SUGCT: variants seen among roughly 807,000 people sequenced by gnomAD.
The protein encoded by SUGCT is succinyl-CoA:glutarate CoA-transferase.
Under a neutral mutation model 55.0 loss-of-function variants are expected in SUGCT, and 41 were observed. The observed-to-expected ratio is 0.74, with a 90% CI of 0.58 to 0.97. The LOEUF is 0.97. Ranked by LOEUF, SUGCT falls within the 50% of genes least tolerant of loss-of-function variation. The probability of loss-of-function intolerance (pLI) is 0.00; values close to 1 mark genes in which losing one functional copy is unlikely to be tolerated. For synonymous variants in SUGCT, 187 were observed against 200.4 expected (o/e 0.93, Z 0.56); for missense variants, 568 against 547.8 (o/e 1.04, Z -0.37).
chr7:40,237,717 A>G lies in SUGCT; in HGVS notation c.567A>G (p.Thr189=), dbSNP rs1434826208. 9 of 1,613,298 alleles carry G rather than the reference A, an allele frequency of 5.6e-6. No individual in the cohort carries two copies. Among genetic ancestry groups the G allele is most frequent in the Non-Finnish European group, 7.6e-6 (9 of 1,179,284 alleles). The change falls in exon 7 of 14, where the codon ACA becomes ACG. Residue 189 remains threonine, a synonymous_variant. Coordinates refer to ENST00000335693, the MANE Select transcript of SUGCT (RefSeq NM_001193313.2). ...CTGTTTCTGGTCTGATGCACATCACAGGGCCTGAGGTAGGTATCCTTCCTT... is the reference window on the plus strand; with the variant it reads ...CTGTTTCTGGTCTGATGCACATCACGGGGCCTGAGGTAGGTATCCTTCCTT... ...ASAVSGLMHI[T]GPENGDPVRP...
intron 13 of SUGCT, among the ~76,000 whole-genome samples, chr7:40,844,915 G>A (rs894402212): frequency 6.6e-6 from 1 of 152,342 alleles, no homozygotes; most frequent in Admixed American, 6.5e-5. Flanking sequence ...AAAGAGAAGA[G>A]TCAAGATGAC....
intron 13 of SUGCT, among the ~76,000 whole-genome samples, chr7:40,836,831 A>C (rs1793007549): frequency 6.6e-6 from 1 of 152,206 alleles, no homozygotes; most frequent in African/African-American, 2.4e-5. Flanking sequence ...ATAGAATACA[A>C]CACCTTTGTT....
chr7:40,365,442 G>A (rs1310600135), intron 9 of SUGCT, among the ~76,000 whole-genome samples: 3 of 151,758 alleles, frequency 2.0e-5, no homozygotes, highest in Non-Finnish European at 4.4e-5. Context: ...GAAATAAAGG[G>A]TATTCAATTA....
the SUGCT span, among the ~76,000 whole-genome samples, chr7:40,902,746 C>T: frequency 5.9e-5 from 9 of 152,278 alleles, no homozygotes; most frequent in Admixed American, 2.0e-4. Context: ...TTGTATGTCT[C>T]TCTCTGTCTC....
At chr7:40,691,424 G>C (rs928226973) in intron 12 of SUGCT, among the ~76,000 whole-genome samples, 2 of 152,070 alleles carry the variant, frequency 1.3e-5, no homozygotes, top group African/African-American at 4.8e-5. Context: ...AGCTATTGGG[G>C]TTTAGAAAGA....
chr7:40,314,581 T>TTTTTC (rs869061757), intron 8 of SUGCT, among the ~76,000 whole-genome samples: 3 of 149,052 alleles, frequency 2.0e-5, no homozygotes, highest in African/African-American at 7.4e-5. Flanking sequence ...TTTTTTTTTT[T>TTTTTC]AAGACAGAGT....
At chr7:40,966,400 A>G in the SUGCT span, 1 of 152,320 alleles carries the variant, frequency 6.6e-6, no homozygotes, top group East Asian at 1.9e-4. Flanking sequence ...TCTTTCTGGT[A>G]ATTGACTGTC....
At chr7:40,262,960 G>C (rs1216031737) in intron 7 of SUGCT, among the ~76,000 whole-genome samples, 2 of 152,150 alleles carry the variant, frequency 1.3e-5, no homozygotes, top group African/African-American at 4.8e-5. Context: ...GTCTTGCTCT[G>C]TCATCAGGCT....
intron 12 of SUGCT, among the ~76,000 whole-genome samples, chr7:40,643,263 T>C (rs549178839): frequency 2.0e-5 from 3 of 152,288 alleles, no homozygotes; most frequent in African/African-American, 7.2e-5. Flanking sequence ...CTCTCTGTGT[T>C]GATTTTAGGA....
At chr7:40,862,271 A>G (rs1794502709), downstream of SUGCT, among the ~76,000 whole-genome samples, 1 of 152,202 alleles carries the variant, frequency 6.6e-6, no homozygotes, top group South Asian at 2.1e-4. Context: ...TATTAAAACA[A>G]AAAGACTGTC....
intron 12 of SUGCT, among the ~76,000 whole-genome samples, chr7:40,589,832 T>C (rs1312903871): frequency 6.6e-6 from 1 of 152,210 alleles, no homozygotes; most frequent in African/African-American, 2.4e-5. Flanking sequence ...TCCTCTAATG[T>C]ATTTCAGGCA....
chr7:40,305,243 G>A (rs527701693), intron 8 of SUGCT, among the ~76,000 whole-genome samples: 1 of 152,306 alleles, frequency 6.6e-6, no homozygotes, highest in East Asian at 1.9e-4. Flanking sequence ...CTGTGGAGAT[G>A]CTTTTCTACT....
chr7:40,583,858 G>A (rs555879449), intron 12 of SUGCT, among the ~76,000 whole-genome samples: 3 of 152,168 alleles, frequency 2.0e-5, no homozygotes, highest in Non-Finnish European at 2.9e-5. Context: ...ATGTAACCCA[G>A]TTCAGGATCT....
At position 40,506,766 on chromosome 7, in the gene SUGCT, A is replaced by G. The variant is rs375194984; in HGVS notation, c.1089+10380A>G. 9.9e-5 allele frequency among the ~76,000 whole-genome samples: 15 copies of G among 152,094 alleles called. No individual in the cohort carries two copies. The East Asian group carries it at 2.3e-3, about 24-fold the overall frequency. ...GCATATTGCTTATCTCTATTAATCT[A>G]TCTTATAAGTTTGCTGATTCTTCCT... On this transcript the variant is annotated intron_variant, in intron 12 of 13. Coordinates refer to ENST00000335693, the MANE Select transcript of SUGCT (RefSeq NM_001193313.2).
At chr7:40,698,689 G>A (rs1785043910) in intron 12 of SUGCT, among the ~76,000 whole-genome samples, 2 of 152,204 alleles carry the variant, frequency 1.3e-5, no homozygotes, top group Non-Finnish European at 1.5e-5. Context: ...TTCGTATCCA[G>A]TTAGGGTTGA....
At chr7:40,722,222 T>A (rs1396413707) in intron 12 of SUGCT, among the ~76,000 whole-genome samples, 1 of 151,744 alleles carries the variant, frequency 6.6e-6, no homozygotes, top group African/African-American at 2.4e-5. Flanking sequence ...TTGGGGAAAA[T>A]TTTTCAGCAT....
At chr7:40,273,507 C>G (rs1792249970) in intron 7 of SUGCT, among the ~76,000 whole-genome samples, 1 of 152,134 alleles carries the variant, frequency 6.6e-6, no homozygotes, top group Admixed American at 6.5e-5. Context: ...TCTGATATAT[C>G]AATGACTAAT....
At chr7:40,503,166 A>G (rs1392787084) in intron 12 of SUGCT, among the ~76,000 whole-genome samples, 1 of 152,142 alleles carries the variant, frequency 6.6e-6, no homozygotes, top group East Asian at 1.9e-4. Flanking sequence ...GAAAACTATC[A>G]ATATTAACCT....
At chr7:40,741,436 A>G (rs1787453435) in intron 12 of SUGCT, among the ~76,000 whole-genome samples, 1 of 152,192 alleles carries the variant, frequency 6.6e-6, no homozygotes, top group Non-Finnish European at 1.5e-5. Context: ...ATAAGATACC[A>G]TTTCACAGTG....
Sources: allele counts gnomAD v4.1 joint callset (sites outside exome capture counted in the v4.1 genomes callset), GRCh38; gene constraint gnomAD v4.1.1; transcripts MANE v1.5; gene names NCBI Gene and HGNC (gene_info 2026-07-23, HGNC 2026-07-21).